NMUR1: variants seen among roughly 807,000 people sequenced by gnomAD.
NMUR1 encodes the protein neuromedin-U receptor 1.
Under a neutral mutation model 18.8 loss-of-function variants are expected in NMUR1, and 16 were observed. That is an observed-to-expected ratio of 0.85 (90% CI 0.58 to 1.29). The LOEUF is 1.29. Among genes scored for constraint, NMUR1 ranks in the 50% most tolerant of loss-of-function variants. NMUR1 has a pLI of 0.00. For synonymous variants in NMUR1, 258 were observed against 258.2 expected (o/e 1.00, Z 0.01); for missense variants, 529 against 580.3 (o/e 0.91, Z 0.91).
rs2047382239 is a variant in NMUR1, at chr2:231,528,584, A to G, written c.437T>C (p.Leu146Pro). The G allele has an allele frequency of 6.2e-7, 1 of 1,614,038 alleles. No individual in the cohort carries two copies. The highest frequency in any genetic ancestry group is 8.5e-7 in the Non-Finnish European group (1 of 1,180,054). ...GGCAGTGACGTTGAGCACTGAGGCC[A>G]GGCAGACCATCTCAAACAGTAGCGT... ...FRTLLFEMVCLASVLNVTALS... is the reference protein window; with the variant it reads ...FRTLLFEMVCPASVLNVTALS... Residue 146 changes from leucine (L) to proline (P), a missense_variant, in exon 2 of 3, where the codon CTG (leucine) becomes CCG (proline). Leu to Pro is a moderately conservative substitution (Grantham distance 98). Transcript: ENST00000305141.
In NMUR1 at chr2:231,525,380, G is replaced by A; in HGVS notation, c.944C>T (p.Ala315Val). The change falls in exon 3 of 3, where the codon GCC (alanine) becomes GTC (valine). Residue 315 changes from alanine to valine, a missense_variant. Coordinates refer to ENST00000305141, the MANE Select transcript of NMUR1 (RefSeq NM_006056.5). ...VFGICWAPFH[A>V]DRVMWSVVSQ... is the part of the protein sequence containing the mutation. Reference sequence around the variant, plus strand: ...CACGACGCTCCACATGACGCGGTCGGCGTGGAACGGGGCCCAGCAGATGCC... The same window carrying A: ...CACGACGCTCCACATGACGCGGTCGACGTGGAACGGGGCCCAGCAGATGCC... The A allele has an allele frequency of 6.2e-7, 1 of 1,613,904 alleles. No homozygotes were observed. The highest frequency in any genetic ancestry group is 8.5e-7 in the Non-Finnish European group (1 of 1,179,946).
At chr2:231,522,469 C>T (rs975976577), downstream of NMUR1, among the ~76,000 whole-genome samples, 5 of 151,954 alleles carry the variant, frequency 3.3e-5, no homozygotes, top group Non-Finnish European at 5.9e-5. Flanking sequence ...GTTTGGGATC[C>T]GGCATCTCCC....
rs1042343159 is a variant in NMUR1 at position 231,523,768 on chromosome 2, C to G, written c.*1275G>C. ...GAGTCCTGGCTGAGCAATGACTTGG[C>G]CTGCAGGGATTCAGAATGGGGCTCA... is the stretch of plus-strand genomic sequence containing the variant. On this transcript the variant is annotated 3_prime_UTR_variant, in exon 3 of 3. Coordinates refer to ENST00000305141, the MANE Select transcript of NMUR1 (RefSeq NM_006056.5). 6.5e-6 allele frequency: 1 copy of G among 152,790 alleles called. No individual in the cohort carries two copies. Among genetic ancestry groups the G allele is most frequent in the Non-Finnish European group, 1.5e-5 (1 of 68,140 alleles). 9.5% of individuals were successfully genotyped at this position (152,790 alleles called of 1,614,324 possible). A position where few individuals can be genotyped will look rare whatever the true frequency, so the allele number is the denominator to read the frequency against.
At position 231,528,749 on chromosome 2, in the gene NMUR1, A is replaced by T; in HGVS notation, c.272T>A (p.Met91Lys). 1 of 1,614,242 alleles carries T rather than the reference A, an allele frequency of 6.2e-7. No individual in the cohort carries two copies. Residue 91 changes from methionine (M) to lysine (K), a missense_variant, in exon 2 of 3, where the codon ATG becomes AAG. Coordinates refer to ENST00000305141, the MANE Select transcript of NMUR1 (RefSeq NM_006056.5). ...TCLVILRHKA[M>K]RTPTNYYLFS... ...GAGGTAGTAGTTGGTAGGCGTGCGCATGGCCTTGTGGCGCAGGATGACCAG... is the reference window on the plus strand; with the variant it reads ...GAGGTAGTAGTTGGTAGGCGTGCGCTTGGCCTTGTGGCGCAGGATGACCAG...
Position 231,525,340 on chromosome 2 carries a change from A to G in NMUR1, c.984T>C (p.Asp328=), listed in dbSNP as rs2047345589. ...VMWSVVSQWT[D]GLHLAFQHVH... is the part of the protein sequence containing the mutation. ...CGTGCTGGAAGGCCAGGTGCAGGCC[A>G]TCTGTCCACTGTGACACGACGCTCC... Residue 328 remains aspartate (D), a synonymous_variant, in exon 3 of 3, where the codon GAT becomes GAC. Transcript: ENST00000305141. The G allele has an allele frequency of 6.2e-7, 1 of 1,613,478 alleles. No individual in the cohort carries two copies. Among genetic ancestry groups the G allele is most frequent in the Middle Eastern group, 1.7e-4 (1 of 6,050 alleles).
downstream of NMUR1, chr2:231,523,084 A>C (rs922383128): frequency 1.2e-5 from 4 of 320,020 alleles, no homozygotes; most frequent in African/African-American, 6.3e-5. Context: ...TAGAACATCC[A>C]CTGGACAAAA....
At chr2:231,527,076 C>A (rs2047363133) in intron 2 of NMUR1, among the ~76,000 whole-genome samples, 1 of 152,126 alleles carries the variant, frequency 6.6e-6, no homozygotes, top group African/African-American at 2.4e-5. Flanking sequence ...GGAAATTCAG[C>A]ACCTGGCCTC....
intron 2 of NMUR1, among the ~76,000 whole-genome samples, chr2:231,526,838 G>T (rs1023882356): frequency 2.0e-5 from 3 of 152,072 alleles, no homozygotes; most frequent in African/African-American, 7.2e-5. Flanking sequence ...GATCGGCTTA[G>T]TATCAGTTTG....
At position 231,525,184 on chromosome 2, in the gene NMUR1, G is replaced by A. The variant is rs1483777279; in HGVS notation, c.1140C>T (p.Leu380=). ...GGCTGTGGGAGCTGTGGCGGGGTCTGAGGCGATGGCAGCAGGCCCCGAGGC... is the reference window on the plus strand; with the variant it reads ...GGCTGTGGGAGCTGTGGCGGGGTCTAAGGCGATGGCAGCAGGCCCCGAGGC... ...ALCLGACCHR[L]RPRHSSHSLS... The change falls in exon 3 of 3, where the codon CTC becomes CTT. Residue 380 remains leucine (L), a synonymous_variant. Coordinates refer to ENST00000305141, the MANE Select transcript of NMUR1 (RefSeq NM_006056.5). 7.4e-6 allele frequency: 12 copies of A among 1,614,158 alleles called. No individual in the cohort carries two copies. The highest frequency in any genetic ancestry group is 1.0e-5 in the Non-Finnish European group (12 of 1,180,024).
downstream of NMUR1, among the ~76,000 whole-genome samples, chr2:231,522,352 A>G (rs10172595): frequency 0.45 from 68,577 of 151,304 alleles, 15,975 homozygotes; most frequent in South Asian, 0.63. Context: ...GCCCTTCATA[A>G]TGCTGTCCAG....
rs1281923641 is a variant in NMUR1, at chr2:231,528,874, G to A, written c.147C>T (p.Leu49=). The change falls in exon 2 of 3, where the codon CTC becomes CTT. Residue 49 remains leucine, a synonymous_variant. Transcript: ENST00000305141. ...CTGTCTGCTGGGGCCCCAGGTACTT[G>A]AGTCTCAGTGCCTCGTCAGTCAGGT... The part of the protein sequence containing the change: ...DLNLTDEALR[L]KYLGPQQTEL... 1.9e-6 allele frequency: 3 copies of A among 1,614,230 alleles called. No homozygotes were observed. The highest frequency in any genetic ancestry group is 2.5e-6 in the Non-Finnish European group (3 of 1,180,044).
intron 2 of NMUR1, among the ~76,000 whole-genome samples, chr2:231,527,050 G>A (rs1326256735): frequency 6.6e-6 from 1 of 152,052 alleles, no homozygotes; most frequent in African/African-American, 2.4e-5. Flanking sequence ...CCAGGGAACC[G>A]CAGACATGGC....
chr2:231,527,163 C>T (rs2047364455), intron 2 of NMUR1, among the ~76,000 whole-genome samples: 1 of 152,110 alleles, frequency 6.6e-6, no homozygotes, highest in African/African-American at 2.4e-5. Flanking sequence ...GGGGGCTGTG[C>T]ACCTCGGCAT....
At chr2:231,526,490 C>T (rs556298794) in intron 2 of NMUR1, among the ~76,000 whole-genome samples, 35 of 152,342 alleles carry the variant, frequency 2.3e-4, no homozygotes, top group Non-Finnish European at 4.7e-4. Context: ...ACTCTGCCCA[C>T]CCATGTTTTC....
At position 231,529,821 on chromosome 2, in the gene NMUR1, G is replaced by A. The variant is rs147083198; in HGVS notation, c.3+538C>T. 1.8e-3 allele frequency among the ~76,000 whole-genome samples: 279 copies of A among 152,352 alleles called. 2 individuals carry two copies. Among genetic ancestry groups the A allele is most frequent in the African/African-American group, 6.6e-3 (273 of 41,584 alleles). On this transcript the variant is annotated intron_variant, in intron 1 of 2. Coordinates refer to ENST00000305141, the MANE Select transcript of NMUR1 (RefSeq NM_006056.5). ...AATCCATTAAAGACATTAACACAGG[G>A]CCTGCCTGGCATACGGAAGGGCACG...
chr2:231,520,966 C>T (rs567919645), downstream of NMUR1, among the ~76,000 whole-genome samples: 229 of 152,280 alleles, frequency 1.5e-3, 4 homozygotes, highest in African/African-American at 5.1e-3. Context: ...CCCTCAGGAA[C>T]GCTGGCAGAG....
chr2:231,525,309 C>T lies in NMUR1; in HGVS notation c.1015G>A (p.Val339Ile), dbSNP rs774767561. Reference sequence around the variant, plus strand: ...AGGTAGAAGAAGATGCCGGAGATGACGTGCACGTGCTGGAAGGCCAGGTGC... The same window carrying T: ...AGGTAGAAGAAGATGCCGGAGATGATGTGCACGTGCTGGAAGGCCAGGTGC... The part of the protein sequence containing the change: ...GLHLAFQHVH[V>I]ISGIFFYLGS... The change falls in exon 3 of 3, where the codon GTC becomes ATC. Residue 339 changes from valine to isoleucine, a missense_variant. Val to Ile is a conservative substitution (Grantham distance 29). Transcript: ENST00000305141. The T allele has an allele frequency of 2.3e-5, 37 of 1,613,782 alleles. No individual in the cohort carries two copies. The highest frequency in any genetic ancestry group is 5.3e-5 in the African/African-American group (4 of 74,800).
intron 1 of NMUR1, among the ~76,000 whole-genome samples, chr2:231,529,452 C>T (rs1413923732): frequency 2.6e-5 from 4 of 151,832 alleles, no homozygotes; most frequent in Admixed American, 1.3e-4. Context: ...AGAGAAAGAC[C>T]TTGTCTCAAA....
At position 231,528,635 on chromosome 2, in the gene NMUR1, A is replaced by G. The variant is rs1455355948; in HGVS notation, c.386T>C (p.Leu129Pro). 6.2e-7 allele frequency: 1 copy of G among 1,614,236 alleles called. No individual in the cohort carries two copies. Reference protein sequence around the residue: ...YEMWHNYPFLLGVGGCYFRTL... With the variant: ...YEMWHNYPFLPGVGGCYFRTL... ...GCGGAAATAGCAGCCACCAACGCCC[A>G]GCAGGAAGGGGTAGTTGTGCCACAT... Residue 129 changes from leucine (L) to proline (P), a missense_variant, in exon 2 of 3, where the codon CTG becomes CCG. By Grantham distance (98) the Leu-to-Pro change is moderately conservative (BLOSUM62 -3). Transcript: ENST00000305141.
Sources: gnomAD v4.1 joint callset for allele counts (sites outside exome capture counted in the v4.1 genomes callset) on GRCh38, gnomAD v4.1.1 for gene constraint, MANE v1.5 for transcripts, NCBI Gene and HGNC (gene_info 2026-07-23, HGNC 2026-07-21) for gene names.